The following CELA1 variants were observed in gnomAD, a reference collection of about 807,000 sequenced individuals.
The protein encoded by CELA1 is chymotrypsin-like elastase family member 1.
Under a neutral mutation model 34.8 loss-of-function variants are expected in CELA1, and 28 were observed. The observed-to-expected ratio is 0.80, with a 90% CI of 0.60 to 1.10. The LOEUF is 1.10. Ranked by LOEUF, CELA1 falls within the 50% of genes least tolerant of loss-of-function variation. The pLI, the probability that CELA1 is intolerant of heterozygous loss-of-function variation, is 0.00. For missense variants in CELA1, 288 were observed against 327.5 expected, an observed-to-expected ratio of 0.88 and a Z score of 0.93; for synonymous variants, 140 against 129.8, an observed-to-expected ratio of 1.08 and a Z score of -0.53.
In CELA1 at chr12:51,336,944, TA is replaced by T. The variant is rs17860327; in HGVS notation, c.609+2915del. ...CTCTTGTCTTCTTCAAAAACATGCC[TA>T]AAGAACAATTCTAAAAGGTGAATCT... On this transcript the variant is annotated intron_variant, in intron 6 of 7. Transcript: ENST00000293636. 8.4e-3 allele frequency among the ~76,000 whole-genome samples: 1,286 copies of T among 152,334 alleles called. 18 individuals are homozygous for T. Among genetic ancestry groups the T allele is most frequent in the African/African-American group, 0.029 (1,216 of 41,582 alleles).
At position 51,341,535 on chromosome 12, in the gene CELA1, G is replaced by A. The variant is rs17860311; in HGVS notation, c.327-155C>T. 7.3e-3 allele frequency among the ~76,000 whole-genome samples: 1,105 copies of A among 152,312 alleles called. 13 individuals carry two copies. Among genetic ancestry groups the A allele is most frequent in the African/African-American group, 0.025 (1,043 of 41,560 alleles). ...CTCACTTGCTAAGCCTCAAACTAGA[G>A]CAATTACAATTTAACATGTAAACAT... On this transcript the variant is annotated intron_variant, in intron 4 of 7. Coordinates refer to ENST00000293636, the MANE Select transcript of CELA1 (RefSeq NM_001971.6).
chr12:51,335,308 G>A (rs1946494266), intron 6 of CELA1, among the ~76,000 whole-genome samples: 2 of 152,184 alleles, frequency 1.3e-5, no homozygotes, highest in Non-Finnish European at 2.9e-5. Context: ...CCAGGCTGGA[G>A]TGCGGTGGTG....
Position 51,342,636 on chromosome 12 carries a change from A to G in CELA1, c.265T>C (p.Tyr89His), listed in dbSNP as rs149822025. ...NLSQNDGTEQ[Y>H]VSVQKIVVHP... The stretch of plus-strand genomic sequence containing the variant: ...ACCACGATCTTCTGCACACTCACGT[A>G]CTGCTCAGTGCCATCATTCTGGCTC... Residue 89 changes from tyrosine (Y) to histidine (H), a missense_variant, in exon 4 of 8, where the codon TAC (tyrosine) becomes CAC (histidine). Transcript: ENST00000293636. The G allele has an allele frequency of 2.8e-5, 46 of 1,614,100 alleles. No homozygotes were observed. In the African/African-American group the frequency reaches 5.2e-4, roughly 18 times the overall value.
intron 1 of CELA1, among the ~76,000 whole-genome samples, 165 bp downstream of exon 1, chr12:51,346,458 C>T (rs1041162716): frequency 1.3e-5 from 2 of 152,036 alleles, no homozygotes; most frequent in African/African-American, 2.4e-5. Flanking sequence ...GAGTAAAGGA[C>T]GCTCTGCAGG....
chr12:51,337,374 A>G (rs1389542982), intron 6 of CELA1, among the ~76,000 whole-genome samples: 3 of 151,868 alleles, frequency 2.0e-5, no homozygotes, highest in African/African-American at 7.3e-5. Context: ...GTCACTACCA[A>G]AAACAAAACA....
rs1946551953 is a variant in CELA1, at chr12:51,343,860, G to A, written c.100-7C>T. 2 of 1,496,308 alleles carry A rather than the reference G, an allele frequency of 1.3e-6. No homozygotes were observed. The highest frequency in any genetic ancestry group is 1.1e-5 in the South Asian group (1 of 87,452). 92.7% of individuals were successfully genotyped at this position (1,496,308 alleles called of 1,614,324 possible). ...ACCGGTACTGGAGGGAAATCTAGAT[G>A]GGGAGGAAAGAAAGAAGGGATAGGT... On this transcript the variant is annotated splice_polypyrimidine_tract_variant and splice_region_variant and intron_variant, in intron 2 of 7. Transcript: ENST00000293636.
At chr12:51,329,565 C>T (rs1946456233) in intron 7 of CELA1, 119 bp downstream of exon 7, 8 of 1,087,754 alleles carry the variant, frequency 7.4e-6, no homozygotes, top group South Asian at 1.6e-5. Flanking sequence ...GGAGTAAACA[C>T]ATGAATGTGG....
At position 51,345,840 on chromosome 12, in the gene CELA1, G is replaced by T. The variant is rs571468808; in HGVS notation, c.54C>A (p.Arg18=). 4.5e-6 allele frequency: 7 copies of T among 1,559,794 alleles called. No individual in the cohort carries two copies. In the Admixed American group the frequency reaches 1.2e-4, roughly 26 times the overall value. Residue 18 remains arginine, a synonymous_variant, in exon 2 of 8, where the codon CGC becomes CGA. Transcript: ENST00000293636. ...STQDLPETNA[R]VVGGTEAGRN... ...TCCCGGCCTCAGTCCCTCCGACTAC[G>T]CGGGCATTGGTTTCCGGAAGGTCCT... is the stretch of plus-strand genomic sequence containing the variant.
chr12:51,341,454 C>G (rs997745403), intron 4 of CELA1, 74 bp from the exon 5 acceptor site: 19 of 1,525,560 alleles, frequency 1.2e-5, no homozygotes, highest in Admixed American at 1.8e-5. Flanking sequence ...CTGGCCCTCT[C>G]TAAGCATTTG....
intron 6 of CELA1, among the ~76,000 whole-genome samples, chr12:51,337,910 C>CA (rs1017667588): frequency 2.2e-3 from 294 of 133,322 alleles, no homozygotes; most frequent in Middle Eastern, 7.8e-3. Context: ...GACGCTGTCT[C>CA]AAAAAAAAAA....
chr12:51,336,551 C>G (rs758873044), intron 6 of CELA1, among the ~76,000 whole-genome samples: 3 of 152,262 alleles, frequency 2.0e-5, no homozygotes, highest in Non-Finnish European at 2.9e-5. Context: ...CACTTGAGCC[C>G]GTGAGACAGA....
At position 51,343,530 on chromosome 12, in the gene CELA1, G is replaced by A. The variant is rs554239988; in HGVS notation, c.200+223C>T. 3.9e-5 allele frequency among the ~76,000 whole-genome samples: 6 copies of A among 152,326 alleles called. No homozygotes were observed. In the East Asian group the frequency reaches 1.2e-3, roughly 29 times the overall value. ...GAGAATGGGGGCATAGTTGCCCAAG[G>A]CTACATAGCTAGAATTTGGTGGAGC... On this transcript the variant is annotated intron_variant, in intron 3 of 7. Transcript: ENST00000293636.
At chr12:51,346,051 G>C (rs1299647404) in intron 1 of CELA1, among the ~76,000 whole-genome samples, 174 bp from the exon 2 acceptor site, 1 of 152,044 alleles carries the variant, frequency 6.6e-6, no homozygotes, top group Non-Finnish European at 1.5e-5. Context: ...TTGAAAACAG[G>C]GGTGCCTGGG....
Position 51,345,833 on chromosome 12 carries a change from C to A in CELA1, c.61G>T (p.Gly21Ter), listed in dbSNP as rs1355480488. ...GAATTCCTCCCGGCCTCAGTCCCTC[C>A]GACTACGCGGGCATTGGTTTCCGGA... Reference protein sequence around the residue: ...DLPETNARVVGGTEAGRNSWP... With the variant: ...DLPETNARVV The change falls in exon 2 of 8, where the codon GGA (glycine) becomes TGA (stop). Residue 21 changes from glycine (G) to a stop codon, truncating the protein, a stop_gained. Coordinates refer to ENST00000293636, the MANE Select transcript of CELA1 (RefSeq NM_001971.6). LOFTEE classifies it high-confidence loss of function. 5 of 1,559,490 alleles carry A rather than the reference C, an allele frequency of 3.2e-6. No homozygotes were observed. The highest frequency in any genetic ancestry group is 4.3e-6 in the Non-Finnish European group (5 of 1,150,926).
rs79161013 is a variant in CELA1 at position 51,342,027 on chromosome 12, C to T, written c.326+548G>A. 9.1e-3 allele frequency among the ~76,000 whole-genome samples: 1,380 copies of T among 152,186 alleles called. 29 individuals carry two copies. Among genetic ancestry groups the T allele is most frequent in the African/African-American group, 0.031 (1,306 of 41,538 alleles). ...CTAAAGGTCTTCAAAGACTCTCAAG[C>T]CCTCCAGAACGTCAGTTCTCTTTTT... On this transcript the variant is annotated intron_variant, in intron 4 of 7. Coordinates refer to ENST00000293636, the MANE Select transcript of CELA1 (RefSeq NM_001971.6).
chr12:51,342,571 C>A lies in CELA1; in HGVS notation c.326+4G>T, dbSNP rs748326600. On this transcript the variant is annotated splice_donor_region_variant and intron_variant, in intron 4 of 7. Coordinates refer to ENST00000293636, the MANE Select transcript of CELA1 (RefSeq NM_001971.6). Reference sequence around the variant, plus strand: ...GCCCAGGGCCAGCTTGGACTTGCTCCTACCCGGCAGCCACGTTATCGCTGT... The same window carrying A: ...GCCCAGGGCCAGCTTGGACTTGCTCATACCCGGCAGCCACGTTATCGCTGT... 2 of 1,614,004 alleles carry A rather than the reference C, an allele frequency of 1.2e-6. No individual in the cohort carries two copies. Among genetic ancestry groups the A allele is most frequent in the African/African-American group, 1.3e-5 (1 of 74,934 alleles).
chr12:51,330,562 C>T (rs1255117273), intron 6 of CELA1, among the ~76,000 whole-genome samples: 2 of 152,236 alleles, frequency 1.3e-5, no homozygotes, highest in Non-Finnish European at 2.9e-5. Context: ...AGAGAATCCA[C>T]TATTGATGAA....
rs1946523932 is a variant in CELA1, at chr12:51,339,903, G to A, written c.566C>T (p.Thr189Ile). Residue 189 changes from threonine (T) to isoleucine (I), a missense_variant, in exon 6 of 8, where the codon ACC becomes ATC. Transcript: ENST00000293636. ...TCCATCTCCACCAGCACACACCATG[G>A]TGTTCTTCACAGTGGAGCCCCAGTA... ...SSYWGSTVKNTMVCAGGDGVR... is the reference protein window; with the variant it reads ...SSYWGSTVKNIMVCAGGDGVR... 1.2e-6 allele frequency: 2 copies of A among 1,614,062 alleles called. No homozygotes were observed. Among genetic ancestry groups the A allele is most frequent in the African/African-American group, 2.7e-5 (2 of 74,930 alleles).
intron 6 of CELA1, among the ~76,000 whole-genome samples, chr12:51,336,461 T>C (rs1436657716): frequency 6.6e-6 from 1 of 152,138 alleles, no homozygotes; most frequent in Non-Finnish European, 1.5e-5. Flanking sequence ...ACCCCGTCTC[T>C]ACTAAAAATA....
Sources: allele counts gnomAD v4.1 joint callset (sites outside exome capture counted in the v4.1 genomes callset), GRCh38; gene constraint gnomAD v4.1.1; transcripts MANE v1.5; gene names NCBI Gene and HGNC (gene_info 2026-07-23, HGNC 2026-07-21).